Variants in TSPAN11 observed in about 807,000 individuals in gnomAD.
TSPAN11 encodes the protein tetraspanin-11.
A neutral mutation model predicts 32.9 loss-of-function variants in TSPAN11; 29 were observed. The ratio of observed to expected loss-of-function variants is 0.88; its 90% CI spans 0.66 to 1.20. TSPAN11 has a LOEUF of 1.20. Ranked by LOEUF, TSPAN11 falls within the 50% of genes most tolerant of loss-of-function variation. TSPAN11 has a pLI of 0.00. For synonymous variants in TSPAN11, 140 were observed against 141.3 expected, an observed-to-expected ratio of 0.99 and a Z score of 0.07; for missense variants, 283 against 329.1, an observed-to-expected ratio of 0.86 and a Z score of 1.08.
Position 30,982,642 on chromosome 12 carries a change from G to A in TSPAN11, c.567G>A (p.Val189=). ...CCGACAGCTGCTGCAAGACAGTGGT[G>A]GTGCGCTGCGGCCAGCGGGCCCACC... ...QVPDSCCKTV[V]VRCGQRAHPS... The change falls in exon 6 of 8, where the codon GTG becomes GTA. Residue 189 remains valine, a synonymous_variant. Transcript: ENST00000546076. 6.2e-7 allele frequency: 1 copy of A among 1,609,984 alleles called. No homozygotes were observed. The highest frequency in any genetic ancestry group is 1.7e-4 in the Middle Eastern group (1 of 5,912).
the TSPAN11 span, among the ~76,000 whole-genome samples, chr12:31,014,573 A>G: frequency 2.0e-5 from 3 of 152,212 alleles, no homozygotes; most frequent in Non-Finnish European, 4.4e-5. Flanking sequence ...TTGTTTTCAC[A>G]CATTAAAATT....
chr12:30,937,165 T>C (rs1938061837), intron 1 of TSPAN11, among the ~76,000 whole-genome samples: 1 of 152,078 alleles, frequency 6.6e-6, no homozygotes. Context: ...TGGAAGTGAC[T>C]TTGGGTTAAG....
intron 3 of TSPAN11, among the ~76,000 whole-genome samples, chr12:30,973,990 G>A (rs1160362371): frequency 1.3e-5 from 2 of 152,154 alleles, no homozygotes; most frequent in African/African-American, 2.4e-5. Flanking sequence ...CTGGCCTCAT[G>A]GAATTCCCTC....
At chr12:31,014,386 C>T in the TSPAN11 span, among the ~76,000 whole-genome samples, 1 of 152,206 alleles carries the variant, frequency 6.6e-6, no homozygotes, top group African/African-American at 2.4e-5. Context: ...AATAACTCTT[C>T]CATTTAACTC....
chr12:31,016,450 TAGAA>T, the TSPAN11 span, among the ~76,000 whole-genome samples: 1 of 146,732 alleles, frequency 6.8e-6, no homozygotes, highest in South Asian at 2.1e-4. Flanking sequence ...GAAAAGCTGG[TAGAA>T]AGAAAAGAAA....
rs373769260 is a variant in TSPAN11, at chr12:30,941,468, C to A, written c.-11-12513C>A. 2.8e-4 allele frequency among the ~76,000 whole-genome samples: 43 copies of A among 152,358 alleles called. 1 individual carries two copies. The highest frequency in any genetic ancestry group is 1.0e-3 in the African/African-American group (42 of 41,582). On this transcript the variant is annotated intron_variant, in intron 1 of 7. Transcript: ENST00000546076. Reference sequence around the variant, plus strand: ...AGCAGTAAGTCTTGGAATCAGGCCACATTTTTACCCAACCCAGTAAGGAGG... The same window carrying A: ...AGCAGTAAGTCTTGGAATCAGGCCAAATTTTTACCCAACCCAGTAAGGAGG...
chr12:30,932,932 G>A (rs528358629), intron 1 of TSPAN11, among the ~76,000 whole-genome samples: 8 of 152,320 alleles, frequency 5.3e-5, no homozygotes, highest in African/African-American at 1.4e-4. Flanking sequence ...AGGGAATGAC[G>A]CTGCCTTTCT....
chr12:30,995,099 C>A lies in TSPAN11; in HGVS notation c.*3184C>A, dbSNP rs1006591943. The A allele has an allele frequency of 3.9e-5, 6 of 152,422 alleles. No homozygotes were observed. The highest frequency in any genetic ancestry group is 3.4e-3 in the Middle Eastern group (1 of 296). The allele number at this position is 152,422 out of a possible 1,614,324, so 9.4% of individuals were successfully genotyped here. A position where few individuals can be genotyped will look rare whatever the true frequency, so the allele number is the denominator to read the frequency against. ...GCTGGACCCTCTGGGTGCAGGGGCTCAGGCAGTGGCCAAGAGCCCAAAGGG... is the reference window on the plus strand; with the variant it reads ...GCTGGACCCTCTGGGTGCAGGGGCTAAGGCAGTGGCCAAGAGCCCAAAGGG... On this transcript the variant is annotated 3_prime_UTR_variant, in exon 8 of 8. Transcript: ENST00000546076.
chr12:30,946,001 G>A (rs773564280), intron 1 of TSPAN11, among the ~76,000 whole-genome samples: 2 of 152,234 alleles, frequency 1.3e-5, no homozygotes, highest in Non-Finnish European at 2.9e-5. Flanking sequence ...GAGTTTGCAT[G>A]AGAGGACAGG....
intron 1 of TSPAN11, among the ~76,000 whole-genome samples, chr12:30,942,306 C>T (rs1170078033): frequency 1.3e-5 from 2 of 152,210 alleles, no homozygotes; most frequent in African/African-American, 4.8e-5. Context: ...GAGACAAAGC[C>T]AGCCCAGCAT....
chr12:30,969,755 C>G (rs141680087), intron 3 of TSPAN11, among the ~76,000 whole-genome samples: 1 of 152,276 alleles, frequency 6.6e-6, no homozygotes, highest in Non-Finnish European at 1.5e-5. Context: ...CATCAACAAG[C>G]ATTTCCAGCA....
chr12:30,982,608 G>T lies in TSPAN11; in HGVS notation c.533G>T (p.Arg178Leu). Residue 178 changes from arginine to leucine, a missense_variant, in exon 6 of 8, where the codon CGC (arginine) becomes CTC (leucine). Coordinates refer to ENST00000546076, the MANE Select transcript of TSPAN11 (RefSeq NM_001370302.1). ...TYILLREAEG[R>L]QVPDSCCKTV... ...ATCCTGTTGCGGGAGGCCGAGGGCC[G>T]CCAGGTGCCCGACAGCTGCTGCAAG... is the stretch of plus-strand genomic sequence containing the variant. 1 of 1,612,692 alleles carries T rather than the reference G, an allele frequency of 6.2e-7. No homozygotes were observed. Among genetic ancestry groups the T allele is most frequent in the Non-Finnish European group, 8.5e-7 (1 of 1,179,708 alleles).
intron 7 of TSPAN11, among the ~76,000 whole-genome samples, chr12:30,984,580 C>G (rs1259181774): frequency 2.9e-5 from 3 of 103,258 alleles, no homozygotes; most frequent in African/African-American, 4.9e-5. Flanking sequence ...TTTTTTTGCG[C>G]GACAGTCTCA....
intron 1 of TSPAN11, among the ~76,000 whole-genome samples, chr12:30,943,140 A>C (rs1442882690): frequency 6.6e-6 from 1 of 152,190 alleles, no homozygotes; most frequent in African/African-American, 2.4e-5. Context: ...TAAGGGTCGG[A>C]GAACACTGGC....
intron 3 of TSPAN11, among the ~76,000 whole-genome samples, chr12:30,968,334 G>A (rs955117210): frequency 5.9e-5 from 9 of 152,242 alleles, no homozygotes; most frequent in Admixed American, 2.6e-4. Context: ...ACACAGGCAC[G>A]ATGTCTGTCC....
rs567987901 is a variant in TSPAN11 at position 30,996,553 on chromosome 12, A to G, written c.*4638A>G. The G allele has an allele frequency of 2.0e-5, 3 of 152,326 alleles. No individual in the cohort carries two copies. The East Asian group carries it at 5.8e-4, about 29-fold the overall frequency. 9.4% of individuals were successfully genotyped at this position (152,326 alleles called of 1,614,324 possible). ...CTGATCTAGGTGGAAGCCCAGCTTC[A>G]TGTGCTAGGGGGCATGATAATGATA... On this transcript the variant is annotated 3_prime_UTR_variant, in exon 8 of 8. Coordinates refer to ENST00000546076, the MANE Select transcript of TSPAN11 (RefSeq NM_001370302.1).
At chr12:31,009,753 A>C in the TSPAN11 span, among the ~76,000 whole-genome samples, 2 of 152,336 alleles carry the variant, frequency 1.3e-5, no homozygotes, top group South Asian at 4.2e-4. Flanking sequence ...TAGACGAAGC[A>C]GTGTCATAAG....
the TSPAN11 span, among the ~76,000 whole-genome samples, chr12:31,010,987 A>G: frequency 6.6e-6 from 1 of 152,206 alleles, no homozygotes; most frequent in Non-Finnish European, 1.5e-5. Context: ...GCTAAGAACA[A>G]AGTTCAATGA....
At position 30,976,927 on chromosome 12, in the gene TSPAN11, G is replaced by A. The variant is rs559184835; in HGVS notation, c.277-1634G>A. On this transcript the variant is annotated intron_variant, in intron 3 of 7. Transcript: ENST00000546076. ...TTTCCTGATGCAGCGAAGAGCCTGG[G>A]GTAGGAAAGGAAGGGGCAGGGACCT... Among the ~76,000 whole-genome samples the A allele has an allele frequency of 3.3e-5, 5 of 152,318 alleles. No homozygotes were observed. In the South Asian group the frequency reaches 1.0e-3, roughly 32 times the overall value.
Sources: allele counts gnomAD v4.1 joint callset (sites outside exome capture counted in the v4.1 genomes callset), GRCh38; gene constraint gnomAD v4.1.1; transcripts MANE v1.5; gene names NCBI Gene and HGNC (gene_info 2026-07-23, HGNC 2026-07-21).